ARMC9: variants seen among roughly 807,000 people sequenced by gnomAD.
The protein encoded by ARMC9 is armadillo repeat containing 9.
A neutral mutation model predicts 107.0 loss-of-function variants in ARMC9; 94 were observed. That is an observed-to-expected ratio of 0.88 (90% CI 0.74 to 1.04). ARMC9 has a LOEUF of 1.04. ARMC9 is among the 50% of genes least tolerant of loss of function. ARMC9 has a pLI of 0.00. For synonymous variants in ARMC9, 380 were observed against 396.9 expected (o/e 0.96, Z 0.51); for missense variants, 942 against 1,030.1 (o/e 0.91, Z 1.17).
At chr2:231,213,097 A>G (rs1213912944) in intron 3 of ARMC9, among the ~76,000 whole-genome samples, 5 of 152,164 alleles carry the variant, frequency 3.3e-5, no homozygotes, top group Non-Finnish European at 1.5e-5. Context: ...ATTTGCTTAT[A>G]AACAGATAAA....
intron 19 of ARMC9, among the ~76,000 whole-genome samples, chr2:231,311,762 T>TC (rs1332318120): frequency 1.2e-5 from 1 of 82,854 alleles, no homozygotes; most frequent in Non-Finnish European, 2.1e-5. Flanking sequence ...AAAGTAAGAC[T>TC]CCATCGCCAA....
intron 20 of ARMC9, among the ~76,000 whole-genome samples, chr2:231,340,818 A>G (rs1559486382): frequency 1.3e-5 from 2 of 152,058 alleles, no homozygotes; most frequent in East Asian, 3.9e-4. Flanking sequence ...AACCCGGGAG[A>G]CGGAGGTTGC....
At chr2:231,203,095 G>C (rs186367950) in intron 1 of ARMC9, among the ~76,000 whole-genome samples, 165 of 152,102 alleles carry the variant, frequency 1.1e-3, no homozygotes, top group Admixed American at 3.3e-3. Context: ...GTCCCTCCCA[G>C]GTTTGAAATA....
At chr2:231,287,356 G>A (rs1451604811) in intron 17 of ARMC9, among the ~76,000 whole-genome samples, 4 of 152,194 alleles carry the variant, frequency 2.6e-5, no homozygotes, top group Admixed American at 6.5e-5. Flanking sequence ...TAGGTGGTGT[G>A]CCTGCACCCT....
chr2:231,285,970 G>C (rs1361171547), intron 17 of ARMC9, among the ~76,000 whole-genome samples: 1 of 151,940 alleles, frequency 6.6e-6, no homozygotes, highest in East Asian at 1.9e-4. Flanking sequence ...CTAGCTGAAA[G>C]GGAGGCTAGA....
At chr2:231,218,679 C>A (rs1403931072) in intron 5 of ARMC9, among the ~76,000 whole-genome samples, 1 of 151,582 alleles carries the variant, frequency 6.6e-6, no homozygotes, top group Non-Finnish European at 1.5e-5. Context: ...CCATTTTTTT[C>A]TTTTGTTAGT....
rs192525016 is a variant in ARMC9, at chr2:231,267,660, C to T, written c.1120-3322C>T. On this transcript the variant is annotated intron_variant, in intron 12 of 24. Coordinates refer to ENST00000611582, the MANE Select transcript of ARMC9 (RefSeq NM_001352754.2). ...ACTTCTGTGGGAGTAAAAAACTGTT[C>T]GCAGCTAATCCACACAGCAGGGCAT... 6.1e-4 allele frequency among the ~76,000 whole-genome samples: 93 copies of T among 152,272 alleles called. 1 individual carries two copies. The highest frequency in any genetic ancestry group is 6.1e-3 in the Admixed American group (93 of 15,288).
intron 19 of ARMC9, among the ~76,000 whole-genome samples, chr2:231,320,053 C>G (rs1175266090): frequency 1.3e-5 from 2 of 152,104 alleles, no homozygotes; most frequent in African/African-American, 4.8e-5. Context: ...TGTTTACTGG[C>G]TTGCTTTTTT....
At chr2:231,267,259 C>A (rs550913849) in intron 12 of ARMC9, among the ~76,000 whole-genome samples, 7 of 152,196 alleles carry the variant, frequency 4.6e-5, no homozygotes, top group African/African-American at 1.7e-4. Context: ...TTGAGACAGT[C>A]TCGCTCTGTC....
At chr2:231,309,675 T>C (rs1221112412) in intron 19 of ARMC9, among the ~76,000 whole-genome samples, 1 of 152,124 alleles carries the variant, frequency 6.6e-6, no homozygotes, top group African/African-American at 2.4e-5. Context: ...ATGTCTTGAA[T>C]TCTGAAGTTG....
chr2:231,213,753 G>A (rs1414840495), intron 3 of ARMC9, among the ~76,000 whole-genome samples: 1 of 152,154 alleles, frequency 6.6e-6, no homozygotes, highest in African/African-American at 2.4e-5. Flanking sequence ...GGGATTACAG[G>A]TGTGAGCCAT....
At chr2:231,364,251 G>A (rs145184050) in intron 23 of ARMC9, among the ~76,000 whole-genome samples, 58 of 152,330 alleles carry the variant, frequency 3.8e-4, no homozygotes, top group South Asian at 1.5e-3. Flanking sequence ...GCTTGTGCCT[G>A]GAAGTTCACC....
At chr2:231,272,451 T>C (rs2039418431) in intron 13 of ARMC9, among the ~76,000 whole-genome samples, 1 of 152,116 alleles carries the variant, frequency 6.6e-6, no homozygotes, top group African/African-American at 2.4e-5. Context: ...TGCCTCAGCC[T>C]CCCAAAGTGC....
intron 19 of ARMC9, among the ~76,000 whole-genome samples, chr2:231,322,582 G>T (rs1269055063): frequency 6.6e-6 from 1 of 152,152 alleles, no homozygotes; most frequent in East Asian, 1.9e-4. Context: ...AATCTGGTTT[G>T]TCTGGAGTAT....
chr2:231,337,130 A>T (rs1019326865), intron 20 of ARMC9, among the ~76,000 whole-genome samples: 1 of 151,784 alleles, frequency 6.6e-6, no homozygotes, highest in Admixed American at 6.6e-5. Context: ...TTTTTTTCAC[A>T]TATGTCTCCA....
chr2:231,336,418 G>A (rs767261280), intron 20 of ARMC9, among the ~76,000 whole-genome samples: 20 of 152,052 alleles, frequency 1.3e-4, no homozygotes, highest in Non-Finnish European at 1.9e-4. Context: ...AGGCTGAGTC[G>A]CTTCCAGGCG....
intron 9 of ARMC9, among the ~76,000 whole-genome samples, chr2:231,245,195 C>T (rs1463784656): frequency 6.6e-6 from 1 of 152,218 alleles, no homozygotes; most frequent in Non-Finnish European, 1.5e-5. Flanking sequence ...TTCTGTAGTC[C>T]TTACCTTATC....
intron 19 of ARMC9, among the ~76,000 whole-genome samples, chr2:231,330,399 A>G (rs999941154): frequency 6.6e-6 from 1 of 151,916 alleles, no homozygotes; most frequent in Non-Finnish European, 1.5e-5. Context: ...CGCCTCCACT[A>G]ATGCCTCCCT....
At position 231,345,055 on chromosome 2, in the gene ARMC9, C is replaced by T. The variant is rs755043246; in HGVS notation, c.1959C>T (p.Pro653=). 98 of 1,613,628 alleles carry T rather than the reference C, an allele frequency of 6.1e-5. No individual in the cohort carries two copies. Among genetic ancestry groups the T allele is most frequent in the South Asian group, 2.1e-4 (19 of 90,990 alleles). Residue 653 remains proline, a synonymous_variant, in exon 21 of 25, where the codon CCC becomes CCT. Coordinates refer to ENST00000611582, the MANE Select transcript of ARMC9 (RefSeq NM_001352754.2). ...GCGGGGATGAGCCCCTGCAAAGGCC[C>T]GTCACCCCCGGCGGCCACAGAAACG... is the stretch of plus-strand genomic sequence containing the variant. ...QWSGDEPLQR[P]VTPGGHRNGY...
Sources: allele counts gnomAD v4.1 joint callset (sites outside exome capture counted in the v4.1 genomes callset), GRCh38; gene constraint gnomAD v4.1.1; transcripts MANE v1.5; gene names NCBI Gene and HGNC (gene_info 2026-07-23, HGNC 2026-07-21).